Variants in PTN observed in about 807,000 individuals in gnomAD.
PTN encodes the protein pleiotrophin.
A neutral mutation model predicts 24.1 loss-of-function variants in PTN; 18 were observed. The ratio of observed to expected loss-of-function variants is 0.75; its 90% CI spans 0.52 to 1.11. The LOEUF (loss-of-function observed/expected upper bound fraction) is 1.11, where lower values mean the gene tolerates loss of function less well. Among genes scored for constraint, PTN ranks in the 50% least tolerant of loss-of-function variants. The pLI, the probability that PTN is intolerant of heterozygous loss-of-function variation, is 0.00. For missense variants in PTN, 163 were observed against 198.8 expected, an observed-to-expected ratio of 0.82 and a Z score of 1.08; for synonymous variants, 78 against 68.6, an observed-to-expected ratio of 1.14 and a Z score of -0.67.
intron 4 of PTN, among the ~76,000 whole-genome samples, chr7:137,230,522 G>T (rs917300971): frequency 2.6e-5 from 4 of 151,752 alleles, no homozygotes; most frequent in African/African-American, 4.8e-5. Context: ...TGGAAGGAGG[G>T]AAGAATTCAT....
At chr7:137,245,914 TAA>T (rs1216156114) in intron 4 of PTN, among the ~76,000 whole-genome samples, 3 of 152,258 alleles carry the variant, frequency 2.0e-5, no homozygotes, top group Non-Finnish European at 4.4e-5. Context: ...AGTCTTATTT[TAA>T]AAGAGTCAAA....
intron 1 of PTN, among the ~76,000 whole-genome samples, chr7:137,309,158 C>T (rs887911786): frequency 3.9e-5 from 6 of 152,096 alleles, no homozygotes; most frequent in Non-Finnish European, 5.9e-5. Context: ...AAGTGAACAC[C>T]ACAATAAAGC....
chr7:137,342,390 G>A (rs1173245021), intron 1 of PTN, among the ~76,000 whole-genome samples: 8 of 152,042 alleles, frequency 5.3e-5, no homozygotes, highest in East Asian at 1.9e-4. Flanking sequence ...CTCAAGGACC[G>A]CAGCTTTAAT....
chr7:137,253,132 G>T (rs1267621179), intron 3 of PTN, among the ~76,000 whole-genome samples: 1 of 152,204 alleles, frequency 6.6e-6, no homozygotes, highest in Non-Finnish European at 1.5e-5. Context: ...TGGAAAGGCA[G>T]TGGTTCCCAA....
At chr7:137,319,303 T>C (rs1019741780) in intron 1 of PTN, among the ~76,000 whole-genome samples, 5 of 152,242 alleles carry the variant, frequency 3.3e-5, no homozygotes, top group African/African-American at 1.2e-4. Flanking sequence ...AGATAGAGCA[T>C]TTATCAGTCT....
chr7:137,244,001 C>T (rs1199804013), intron 4 of PTN, among the ~76,000 whole-genome samples: 1 of 152,104 alleles, frequency 6.6e-6, no homozygotes, highest in Non-Finnish European at 1.5e-5. Context: ...CTTGAATAGA[C>T]CTCTTTTGCT....
intron 4 of PTN, among the ~76,000 whole-genome samples, chr7:137,248,185 C>T (rs987682784): frequency 4.6e-5 from 7 of 152,028 alleles, no homozygotes; most frequent in African/African-American, 7.3e-5. Context: ...AAATTAGAGA[C>T]GTGCAAAGGA....
At chr7:137,244,153 C>T (rs1023527449) in intron 4 of PTN, among the ~76,000 whole-genome samples, 25 of 152,112 alleles carry the variant, frequency 1.6e-4, no homozygotes, top group African/African-American at 5.8e-4. Flanking sequence ...CAATTGTTCA[C>T]CAATTTATCC....
chr7:137,231,392 A>T (rs983858230), intron 4 of PTN, among the ~76,000 whole-genome samples: 1 of 151,818 alleles, frequency 6.6e-6, no homozygotes, highest in Non-Finnish European at 1.5e-5. Flanking sequence ...AGTCATCCTT[A>T]AAATCTTAGC....
intron 1 of PTN, among the ~76,000 whole-genome samples, chr7:137,341,286 G>A (rs1423289241): frequency 6.6e-6 from 1 of 152,004 alleles, no homozygotes; most frequent in African/African-American, 2.4e-5. Context: ...TTTTAAACCA[G>A]GCCATTGGCT....
chr7:137,237,787 T>G (rs77875886), intron 4 of PTN, among the ~76,000 whole-genome samples: 2,682 of 152,268 alleles, frequency 0.018, 82 homozygotes, highest in African/African-American at 0.062. Flanking sequence ...CTGAAGATCT[T>G]TCTCTATACT....
intron 1 of PTN, among the ~76,000 whole-genome samples, chr7:137,301,579 A>AAG (rs1481735351): frequency 6.6e-6 from 1 of 151,540 alleles, no homozygotes; most frequent in African/African-American, 2.4e-5. Flanking sequence ...TTAAGTAAAA[A>AAG]AAAAAATGTA....
chr7:137,237,155 G>T (rs1327059839), intron 4 of PTN, among the ~76,000 whole-genome samples: 1 of 152,040 alleles, frequency 6.6e-6, no homozygotes, highest in Non-Finnish European at 1.5e-5. Context: ...CTTTACAGAG[G>T]CAATTAAATT....
chr7:137,244,901 T>C lies in PTN; in HGVS notation c.451+6329A>G, dbSNP rs564147219. 2.0e-5 allele frequency among the ~76,000 whole-genome samples: 3 copies of C among 152,256 alleles called. No individual in the cohort carries two copies. The South Asian group carries it at 6.2e-4, about 32-fold the overall frequency. On this transcript the variant is annotated intron_variant, in intron 4 of 4. Transcript: ENST00000348225. ...CCAAACTCTGCGGGATATTTAGTAA[T>C]TCCCTGGTGTTTGGATAGCAACTCT...
At chr7:137,283,949 CAG>C (rs1809512588) in intron 1 of PTN, among the ~76,000 whole-genome samples, 1 of 96,130 alleles carries the variant, frequency 1.0e-5, no homozygotes, top group Non-Finnish European at 2.0e-5. Context: ...AAATGAGCAT[CAG>C]ATTTTTTTTT....
At chr7:137,270,523 A>C (rs1440595780) in intron 1 of PTN, among the ~76,000 whole-genome samples, 1 of 152,240 alleles carries the variant, frequency 6.6e-6, no homozygotes, top group Non-Finnish European at 1.5e-5. Context: ...TGTTTTAAGC[A>C]CTTTACAAAT....
chr7:137,302,375 G>A (rs573242199), intron 1 of PTN, among the ~76,000 whole-genome samples: 2 of 151,984 alleles, frequency 1.3e-5, no homozygotes, highest in South Asian at 4.2e-4. Context: ...TTTAACTACT[G>A]GTAAAAGGAA....
chr7:137,265,209 G>A (rs1198948299), intron 1 of PTN, among the ~76,000 whole-genome samples: 1 of 152,036 alleles, frequency 6.6e-6, no homozygotes, highest in Non-Finnish European at 1.5e-5. Context: ...TTCCTCGTGG[G>A]ACTCCAACTG....
rs1414234372 is a variant in PTN at position 137,343,464 on chromosome 7, C to T, written c.-27G>A. ...TTTGAGTTGGAAACGTCCTCTCTGG[C>T]GCTCAGTCTGCCTTTGTTGCAAGGG... On this transcript the variant is annotated 5_prime_UTR_variant, in exon 1 of 5. Transcript: ENST00000348225. 1 of 518,154 alleles carries T rather than the reference C, an allele frequency of 1.9e-6. No individual in the cohort carries two copies. Among genetic ancestry groups the T allele is most frequent in the Admixed American group, 1.9e-5 (1 of 51,516 alleles). The allele number at this position is 518,154 out of a possible 1,614,324, so 32.1% of individuals were successfully genotyped here.
Sources: gnomAD v4.1 joint callset for allele counts (sites outside exome capture counted in the v4.1 genomes callset) on GRCh38, gnomAD v4.1.1 for gene constraint, MANE v1.5 for transcripts, NCBI Gene and HGNC (gene_info 2026-07-23, HGNC 2026-07-21) for gene names.